The following GABRB2 variants were observed in gnomAD, a reference collection of about 807,000 sequenced individuals.
GABRB2 encodes gamma-aminobutyric acid receptor subunit beta-2.
A neutral mutation model predicts 54.7 loss-of-function variants in GABRB2; 16 were observed. That is an observed-to-expected ratio of 0.29 (90% CI 0.20 to 0.44). The LOEUF is 0.44. Among genes scored for constraint, GABRB2 ranks in the 20% least tolerant of loss-of-function variants. The pLI is 1.00. For synonymous variants in GABRB2, 244 were observed against 233.8 expected, an observed-to-expected ratio of 1.04 and a Z score of -0.40; for missense variants, 355 against 644.0, an observed-to-expected ratio of 0.55 and a Z score of 4.86.
intron 9 of GABRB2, among the ~76,000 whole-genome samples, chr5:161,298,402 C>A (rs1052780579): frequency 3.3e-5 from 5 of 152,210 alleles, no homozygotes; most frequent in African/African-American, 1.2e-4. Context: ...TACTATACTT[C>A]TTGATGAAGA....
chr5:161,329,583 G>T (rs1416789217), intron 8 of GABRB2: 3 of 152,180 alleles, frequency 2.0e-5, no homozygotes, highest in Non-Finnish European at 4.4e-5. Context: ...CATATGGTTT[G>T]CTCCAAATAC....
chr5:161,519,650 G>T (rs1379959414), intron 3 of GABRB2, among the ~76,000 whole-genome samples: 2 of 152,024 alleles, frequency 1.3e-5, no homozygotes, highest in African/African-American at 4.8e-5. Context: ...TCAATAAATG[G>T]TTTATAATTA....
chr5:161,497,330 C>T (rs1315716036), intron 3 of GABRB2, among the ~76,000 whole-genome samples: 1 of 152,086 alleles, frequency 6.6e-6, no homozygotes, highest in African/African-American at 2.4e-5. Flanking sequence ...CTGAAGGACA[C>T]AGCCCCAGGT....
chr5:161,341,937 TTATATATA>T (rs1237952955), intron 5 of GABRB2, among the ~76,000 whole-genome samples: 7 of 75,708 alleles, frequency 9.2e-5, no homozygotes, highest in South Asian at 5.7e-4. Flanking sequence ...ATTTTTTCTT[TTATATATA>T]TATATATATA....
chr5:161,324,476 C>T (rs1758306842), intron 9 of GABRB2, among the ~76,000 whole-genome samples: 1 of 152,052 alleles, frequency 6.6e-6, no homozygotes. Flanking sequence ...ACTTATTCTT[C>T]TCAGCAGTTG....
chr5:161,468,105 T>C (rs1462593727), intron 3 of GABRB2, among the ~76,000 whole-genome samples: 3 of 152,082 alleles, frequency 2.0e-5, no homozygotes, highest in Non-Finnish European at 2.9e-5. Context: ...GGCACTATTA[T>C]TTACGAGTTC....
At chr5:161,430,830 G>A (rs957671429) in intron 4 of GABRB2, among the ~76,000 whole-genome samples, 1 of 152,098 alleles carries the variant, frequency 6.6e-6, no homozygotes, top group Admixed American at 6.6e-5. Context: ...TTCACCTAAT[G>A]TAAGTAGGTG....
At position 161,313,029 on chromosome 5, in the gene GABRB2, G is replaced by A. The variant is rs533847518; in HGVS notation, c.1191+13339C>T. Among the ~76,000 whole-genome samples the A allele has an allele frequency of 3.9e-5, 6 of 152,272 alleles. No individual in the cohort carries two copies. In the East Asian group the frequency reaches 7.7e-4, roughly 20 times the overall value. ...GGGATAGAACCTTTTCTACTGCACC[G>A]GAATGGTTTCCTTTGTGCTAGCATT... On this transcript the variant is annotated intron_variant, in intron 9 of 9. Transcript: ENST00000393959.
chr5:161,322,930 A>G (rs1270679492), intron 9 of GABRB2, among the ~76,000 whole-genome samples: 1 of 151,772 alleles, frequency 6.6e-6, no homozygotes, highest in African/African-American at 2.4e-5. Context: ...TGGTGAGAAA[A>G]TATTTTGTTA....
chr5:161,500,765 G>A (rs1215155842), intron 3 of GABRB2, among the ~76,000 whole-genome samples: 12 of 152,048 alleles, frequency 7.9e-5, no homozygotes, highest in African/African-American at 2.4e-5. Context: ...AACATAACAG[G>A]CAATGTCAAA....
At chr5:161,518,319 T>C (rs553736893) in intron 3 of GABRB2, among the ~76,000 whole-genome samples, 4 of 152,248 alleles carry the variant, frequency 2.6e-5, no homozygotes, top group Admixed American at 6.5e-5. Context: ...AAAAAATGAA[T>C]TATTTACAGT....
At chr5:161,442,036 C>A (rs1757482101) in intron 4 of GABRB2, among the ~76,000 whole-genome samples, 1 of 151,958 alleles carries the variant, frequency 6.6e-6, no homozygotes, top group African/African-American at 2.4e-5. Flanking sequence ...ATGAATAAGA[C>A]CTATAGGGTG....
chr5:161,535,646 T>A (rs546849498), intron 3 of GABRB2, among the ~76,000 whole-genome samples: 4 of 152,326 alleles, frequency 2.6e-5, no homozygotes, highest in African/African-American at 9.6e-5. Context: ...CCTTTTTAAA[T>A]AGGCTAATAG....
At chr5:161,305,948 T>A (rs1430056184) in intron 9 of GABRB2, among the ~76,000 whole-genome samples, 3 of 152,362 alleles carry the variant, frequency 2.0e-5, no homozygotes, top group African/African-American at 7.2e-5. Context: ...ACAGCCATAC[T>A]CCTTTCCCCT....
chr5:161,343,175 T>G (rs933056817), intron 5 of GABRB2, among the ~76,000 whole-genome samples: 44 of 152,192 alleles, frequency 2.9e-4, no homozygotes, highest in Middle Eastern at 6.8e-3. Context: ...CTTAATTGCA[T>G]CTTATTCTTC....
intron 5 of GABRB2, among the ~76,000 whole-genome samples, chr5:161,385,294 A>T (rs1232695833): frequency 6.6e-6 from 1 of 152,198 alleles, no homozygotes; most frequent in Non-Finnish European, 1.5e-5. Context: ...TGAAGTGTTT[A>T]CTGCAAAATC....
At chr5:161,381,369 T>A (rs1241424496) in intron 5 of GABRB2, among the ~76,000 whole-genome samples, 1 of 152,188 alleles carries the variant, frequency 6.6e-6, no homozygotes, top group Non-Finnish European at 1.5e-5. Context: ...GACAGCAGTA[T>A]CATTATAAGA....
At chr5:161,516,942 C>A (rs1269759345) in intron 3 of GABRB2, among the ~76,000 whole-genome samples, 1 of 152,074 alleles carries the variant, frequency 6.6e-6, no homozygotes, top group Non-Finnish European at 1.5e-5. Context: ...TATCTAGTAA[C>A]AACTTATACT....
intron 3 of GABRB2, among the ~76,000 whole-genome samples, chr5:161,466,632 T>C (rs1040222249): frequency 1.3e-5 from 2 of 152,060 alleles, no homozygotes; most frequent in Non-Finnish European, 2.9e-5. Flanking sequence ...CCAGTGGCAT[T>C]GTTCTGGCCA....
Sources: gnomAD v4.1 joint callset for allele counts (sites outside exome capture counted in the v4.1 genomes callset) on GRCh38, gnomAD v4.1.1 for gene constraint, MANE v1.5 for transcripts, NCBI Gene and HGNC (gene_info 2026-07-23, HGNC 2026-07-21) for gene names.